GFAP: variants seen among roughly 807,000 people sequenced by gnomAD.
GFAP encodes the protein intermediate filament protein.
A neutral mutation model predicts 49.3 loss-of-function variants in GFAP; 38 were observed. The observed-to-expected ratio is 0.77, with a 90% CI of 0.60 to 1.01. GFAP has a LOEUF of 1.01. Ranked by LOEUF, GFAP falls within the 50% of genes least tolerant of loss-of-function variation. The pLI is 0.00. For synonymous variants in GFAP, 222 were observed against 236.4 expected (o/e 0.94, Z 0.56); for missense variants, 463 against 579.1 (o/e 0.80, Z 2.06).
intron 8 of GFAP, chr17:44,907,829 G>A: frequency 3.2e-6 from 2 of 631,008 alleles, no homozygotes; most frequent in Admixed American, 2.4e-5. Flanking sequence ...GAGAGAGTGT[G>A]TATTAGGATC....
rs1205393270 is a variant in GFAP at position 44,913,828 on chromosome 17, AGTG to A, written c.523-8_523-6del. On this transcript the variant is annotated splice_polypyrimidine_tract_variant and splice_region_variant and intron_variant, in intron 2 of 8. Coordinates refer to ENST00000588735, the MANE Select transcript of GFAP (RefSeq NM_002055.5). The stretch of plus-strand genomic sequence containing the variant: ...CAGGGTGGCTTCATCTGCTTCCTGG[AGTG>A]GCAGGAGGGGTGAGGAGTAGAGGGC... 1.2e-6 allele frequency: 2 copies of A among 1,610,698 alleles called. No homozygotes were observed. The highest frequency in any genetic ancestry group is 1.7e-6 in the Non-Finnish European group (2 of 1,177,046).
Position 44,904,787 on chromosome 17 carries a change from A to T in GFAP, c.*2560T>A, listed in dbSNP as rs1193926362. The stretch of plus-strand genomic sequence containing the variant: ...GTACCTGAAGGGTGTCAACAGGTCC[A>T]TGAGGGTGTTCATTGACCACGGCAA... On this transcript the variant is annotated 3_prime_UTR_variant, in exon 9 of 9. Transcript: ENST00000588735. 4 of 1,550,638 alleles carry T rather than the reference A, an allele frequency of 2.6e-6. No individual in the cohort carries two copies. In the South Asian group the frequency reaches 3.6e-5, roughly 14 times the overall value.
chr17:44,904,259 G>A lies in GFAP; in HGVS notation c.*3088C>T, dbSNP rs770772393. 6.4e-6 allele frequency: 10 copies of A among 1,550,444 alleles called. No homozygotes were observed. In the South Asian group the frequency reaches 8.3e-5, roughly 13 times the overall value. ...CTACGATGTGGACATCCAGAACAGT[G>A]AGGGAATGGTGGCCACTTTCCAGGA... is the stretch of plus-strand genomic sequence containing the variant. On this transcript the variant is annotated 3_prime_UTR_variant, in exon 9 of 9. Transcript: ENST00000588735.
intron 6 of GFAP, 48 bp from the exon 7 acceptor site, chr17:44,910,706 C>T: frequency 6.4e-7 from 1 of 1,566,368 alleles, no homozygotes; most frequent in South Asian, 1.2e-5. Flanking sequence ...CTGGGACACC[C>T]CTAGGCTGGG....
In GFAP at chr17:44,913,702, C is replaced by T. The variant is rs766645564; in HGVS notation, c.618+26G>A. The T allele has an allele frequency of 5.2e-6, 8 of 1,544,612 alleles. No individual in the cohort carries two copies. In the African/African-American group the frequency reaches 9.5e-5, roughly 18 times the overall value. On this transcript the variant is annotated intron_variant, in intron 3 of 8. Transcript: ENST00000588735. The stretch of plus-strand genomic sequence containing the variant: ...TCTCAGTTGCAATCTCTGTGTTGAG[C>T]TTTCCTCCCTCTGCCCTGGCCTCAC...
At chr17:44,910,685 GC>G in intron 6 of GFAP, 27 bp from the exon 7 acceptor site, 1 of 1,577,962 alleles carries the variant, frequency 6.3e-7, no homozygotes, top group Non-Finnish European at 8.6e-7. Context: ...GGAGAGGGCT[GC>G]CCGGGCTGCC....
Position 44,911,354 on chromosome 17 carries a change from T to C in GFAP, c.1009A>G (p.Ser337Gly), listed in dbSNP as rs2051758710. 3.1e-6 allele frequency: 5 copies of C among 1,614,078 alleles called. No homozygotes were observed. The highest frequency in any genetic ancestry group is 4.2e-6 in the Non-Finnish European group (5 of 1,180,024). Residue 337 changes from serine to glycine, a missense_variant, in exon 6 of 9, where the codon AGC (serine) becomes GGC (glycine). Around this residue, in one of 3 missense-constraint regions of GFAP, gnomAD observed 362 missense variants for 445.5 expected, o/e 0.81. Transcript: ENST00000588735. ...TGGCGGGCCATCTCGTCCTTGAGGC[T>C]CTGCCCCTCTTCCTCCAGCCGCGCC... ...ALARLEEEGQ[S>G]LKDEMARHLQ... is the part of the protein sequence containing the mutation.
rs2051601867 is a variant in GFAP, at chr17:44,903,710, C to G, written c.*3637G>C. On this transcript the variant is annotated 3_prime_UTR_variant, in exon 9 of 9. Coordinates refer to ENST00000588735, the MANE Select transcript of GFAP (RefSeq NM_002055.5). Reference sequence around the variant, plus strand: ...TCCTCTGCAGATTGTTGCTGCTTTTCCTGGCTGCATAATCCTTTCCTCATC... The same window carrying G: ...TCCTCTGCAGATTGTTGCTGCTTTTGCTGGCTGCATAATCCTTTCCTCATC... The G allele has an allele frequency of 6.9e-7, 1 of 1,440,068 alleles. No individual in the cohort carries two copies. The highest frequency in any genetic ancestry group is 2.9e-5 in the Admixed American group (1 of 34,954). The allele number at this position is 1,440,068 out of a possible 1,614,324, so 89.2% of individuals were successfully genotyped here.
intron 4 of GFAP, chr17:44,912,802 C>A: frequency 4.0e-6 from 1 of 249,456 alleles, no homozygotes; most frequent in Non-Finnish European, 8.0e-6. Context: ...TCTCTGTGTC[C>A]TGGGGGGTGC....
chr17:44,903,522 G>T lies in GFAP; in HGVS notation c.*3825C>A. 7.8e-7 allele frequency: 1 copy of T among 1,284,596 alleles called. No homozygotes were observed. Among genetic ancestry groups the T allele is most frequent in the Non-Finnish European group, 9.8e-7 (1 of 1,019,300 alleles). 79.6% of individuals were successfully genotyped at this position (1,284,596 alleles called of 1,614,324 possible). A position where few individuals can be genotyped will look rare whatever the true frequency, so the allele number is the denominator to read the frequency against. On this transcript the variant is annotated 3_prime_UTR_variant, in exon 9 of 9. Coordinates refer to ENST00000588735, the MANE Select transcript of GFAP (RefSeq NM_002055.5). The stretch of plus-strand genomic sequence containing the variant: ...CACCTCGGCCCGCCCTTCTCATTCC[G>T]GTTTCCTTTGACCCATTCTTGGGTG...
Position 44,914,015 on chromosome 17 carries a change from C to G in GFAP, c.522+13G>C, listed in dbSNP as rs778488589. On this transcript the variant is annotated intron_variant, in intron 2 of 8. Coordinates refer to ENST00000588735, the MANE Select transcript of GFAP (RefSeq NM_002055.5). ...TTCCTCCCTCCCCTGCCCCTCCCCTCCACCTCCCTGACCTGTCTATAGGCA... is the reference window on the plus strand; with the variant it reads ...TTCCTCCCTCCCCTGCCCCTCCCCTGCACCTCCCTGACCTGTCTATAGGCA... The G allele has an allele frequency of 6.5e-7, 1 of 1,541,610 alleles. No individual in the cohort carries two copies. The highest frequency in any genetic ancestry group is 2.4e-5 in the East Asian group (1 of 41,650).
intron 6 of GFAP, 26 bp downstream of exon 6, chr17:44,911,210 C>T (rs759468930): frequency 6.2e-7 from 1 of 1,601,756 alleles, no homozygotes; most frequent in Non-Finnish European, 8.6e-7. Flanking sequence ...AGGGAGACTT[C>T]CCCAGGGGCT....
chr17:44,908,038 C>T (rs2051679557), intron 8 of GFAP, 26 bp downstream of exon 8: 4 of 1,528,062 alleles, frequency 2.6e-6, no homozygotes, highest in Non-Finnish European at 3.6e-6. Context: ...CAGCCAGAGC[C>T]TGACTGGGCC....
At chr17:44,910,267 T>G (rs1047171003) in intron 7 of GFAP, 2 of 1,613,868 alleles carry the variant, frequency 1.2e-6, no homozygotes, top group Admixed American at 3.3e-5. Context: ...CCCCCTGTAG[T>G]GACAAGCAGT....
At position 44,907,258 on chromosome 17, in the gene GFAP, G is replaced by A; in HGVS notation, c.*89C>T. ...GGGGTGGTGGGGAGCTCAGGTCTGG[G>A]GAAATGTGCCAGCAGAGGCGGAGCA... is the stretch of plus-strand genomic sequence containing the variant. On this transcript the variant is annotated 3_prime_UTR_variant, in exon 9 of 9. Coordinates refer to ENST00000588735, the MANE Select transcript of GFAP (RefSeq NM_002055.5). 7.9e-7 allele frequency: 1 copy of A among 1,261,740 alleles called. No homozygotes were observed. Among genetic ancestry groups the A allele is most frequent in the South Asian group, 1.2e-5 (1 of 83,668 alleles). 78.2% of individuals were successfully genotyped at this position (1,261,740 alleles called of 1,614,324 possible).
chr17:44,907,845 T>G, intron 8 of GFAP: 1 of 654,766 alleles, frequency 1.5e-6, no homozygotes, highest in Non-Finnish European at 2.8e-6. Flanking sequence ...GGATCCCATC[T>G]AGTGGCTTTG....
In GFAP at chr17:44,904,579, G is replaced by A. The variant is rs1394390144; in HGVS notation, c.*2768C>T. On this transcript the variant is annotated 3_prime_UTR_variant, in exon 9 of 9. Transcript: ENST00000588735. ...CCTGTGAGAAGACAAAGACCATCCG[G>A]GAGGGCGTGCTGGCCATCATTAACT... 11 of 1,550,598 alleles carry A rather than the reference G, an allele frequency of 7.1e-6. No homozygotes were observed. The highest frequency in any genetic ancestry group is 2.0e-5 in the Admixed American group (1 of 51,004).
Position 44,907,400 on chromosome 17 carries a change from A to T in GFAP, c.1258-12T>A. On this transcript the variant is annotated splice_polypyrimidine_tract_variant and intron_variant, in intron 8 of 8. Transcript: ENST00000588735. The stretch of plus-strand genomic sequence containing the variant: ...GACTCCTTAATGACCTGCAGGGGAC[A>T]GGGAACGTGCACAGTGCAACAGTTA... The T allele has an allele frequency of 6.2e-7, 1 of 1,602,438 alleles. No individual in the cohort carries two copies. Among genetic ancestry groups the T allele is most frequent in the Non-Finnish European group, 8.6e-7 (1 of 1,169,274 alleles).
intron 7 of GFAP, chr17:44,908,895 GAGAAAGGA>G (rs981233226): frequency 2.0e-5 from 3 of 146,678 alleles, no homozygotes; most frequent in Admixed American, 6.8e-5. Flanking sequence ...AAGCAGGAAA[GAGAAAGGA>G]AGGAAGGAAG....
Sources: allele counts gnomAD v4.1 joint callset, GRCh38; gene constraint gnomAD v4.1.1; regional missense constraint gnomAD v4.1.1; transcripts MANE v1.5; gene names NCBI Gene and HGNC (gene_info 2026-07-23, HGNC 2026-07-21).